KCND2: variants seen among roughly 807,000 people sequenced by gnomAD.
KCND2 encodes the protein A-type voltage-gated potassium channel KCND2.
Under a neutral mutation model 54.4 loss-of-function variants are expected in KCND2, and 16 were observed. The ratio of observed to expected loss-of-function variants is 0.29; its 90% CI spans 0.20 to 0.45. KCND2 has a LOEUF of 0.45. Among genes scored for constraint, KCND2 ranks in the 20% least tolerant of loss-of-function variants. KCND2 has a pLI of 1.00. For missense variants in KCND2, 486 were observed against 824.2 expected (o/e 0.59, Z 5.02); for synonymous variants, 317 against 310.7 (o/e 1.02, Z -0.21).
chr7:120,606,881 T>C (rs1792888812), intron 1 of KCND2, among the ~76,000 whole-genome samples: 1 of 152,162 alleles, frequency 6.6e-6, no homozygotes, highest in Non-Finnish European at 1.5e-5. Flanking sequence ...CTATTCAGGG[T>C]TTCTTAAATT....
intron 1 of KCND2, among the ~76,000 whole-genome samples, chr7:120,633,802 C>T (rs1250451671): frequency 2.0e-5 from 3 of 152,150 alleles, no homozygotes; most frequent in African/African-American, 7.2e-5. Flanking sequence ...TAACTCATGA[C>T]TTCTTACAAT....
chr7:120,617,979 G>A (rs1199658079), intron 1 of KCND2, among the ~76,000 whole-genome samples: 1 of 152,040 alleles, frequency 6.6e-6, no homozygotes, highest in East Asian at 1.9e-4. Flanking sequence ...TAAATACAAA[G>A]ATGGGAACAA....
At chr7:120,460,383 A>G (rs1364904395) in intron 1 of KCND2, among the ~76,000 whole-genome samples, 9 of 152,154 alleles carry the variant, frequency 5.9e-5, no homozygotes, top group Non-Finnish European at 1.2e-4. Flanking sequence ...CTTATATCCA[A>G]ACTCTTGTCA....
intron 1 of KCND2, among the ~76,000 whole-genome samples, chr7:120,632,580 G>C (rs1562893547): frequency 1.3e-5 from 2 of 151,904 alleles, no homozygotes; most frequent in Non-Finnish European, 1.5e-5. Flanking sequence ...ACTTATACTT[G>C]GACAAAATCT....
intron 1 of KCND2, among the ~76,000 whole-genome samples, chr7:120,589,389 A>G (rs1197585326): frequency 1.3e-5 from 2 of 152,252 alleles, no homozygotes; most frequent in African/African-American, 4.8e-5. Flanking sequence ...ACAATAAAGT[A>G]TACACAAATA....
At chr7:120,363,512 T>G (rs1800625268) in intron 1 of KCND2, among the ~76,000 whole-genome samples, 1 of 152,074 alleles carries the variant, frequency 6.6e-6, no homozygotes, top group African/African-American at 2.4e-5. Context: ...ATCTATGGCA[T>G]TATGTTTCAA....
chr7:120,447,371 AAAAAAG>A (rs1016640518), intron 1 of KCND2, among the ~76,000 whole-genome samples: 1 of 151,954 alleles, frequency 6.6e-6, no homozygotes, highest in African/African-American at 2.4e-5. Context: ...AAAAAGAAAA[AAAAAAG>A]AAAAAGAAAA....
intron 1 of KCND2, among the ~76,000 whole-genome samples, chr7:120,351,412 A>ACTCTCTCTCT (rs60390632): frequency 1.0e-5 from 1 of 99,796 alleles, no homozygotes; most frequent in African/African-American, 3.7e-5. Flanking sequence ...ACACACACAC[A>ACTCTCTCTCT]CTCTCTCTCT....
intron 1 of KCND2, among the ~76,000 whole-genome samples, chr7:120,540,350 A>G (rs1283395478): frequency 3.3e-5 from 5 of 152,214 alleles, no homozygotes. Context: ...ATATGGGTAT[A>G]TAAACTTGAT....
At chr7:120,624,236 C>T (rs1365662795) in intron 1 of KCND2, among the ~76,000 whole-genome samples, 3 of 152,124 alleles carry the variant, frequency 2.0e-5, no homozygotes, top group Non-Finnish European at 2.9e-5. Flanking sequence ...CGCATTCTAA[C>T]TAAGACTGAA....
At chr7:120,489,311 GTATTAATATGA>G in intron 1 of KCND2, among the ~76,000 whole-genome samples, 1 of 152,024 alleles carries the variant, frequency 6.6e-6, no homozygotes, top group East Asian at 1.9e-4. Context: ...CATATACAAT[GTATTAATATGA>G]TATATGTAAT....
intron 1 of KCND2, among the ~76,000 whole-genome samples, chr7:120,661,876 AG>A (rs1386428323): frequency 6.6e-6 from 1 of 152,200 alleles, no homozygotes; most frequent in African/African-American, 2.4e-5. Flanking sequence ...TTTTGACATT[AG>A]GATAACACTG....
At chr7:120,697,518 AT>A (rs1359118463) in intron 1 of KCND2, among the ~76,000 whole-genome samples, 3 of 152,150 alleles carry the variant, frequency 2.0e-5, no homozygotes, top group East Asian at 1.9e-4. Context: ...ACAGAGTATA[AT>A]TTTTTTGCTG....
At chr7:120,673,631 T>C (rs2097349641) in intron 1 of KCND2, among the ~76,000 whole-genome samples, 1 of 152,154 alleles carries the variant, frequency 6.6e-6, no homozygotes, top group African/African-American at 2.4e-5. Context: ...ACAGCCAGAA[T>C]AAACTTACTA....
At chr7:120,443,560 A>G (rs1396725238) in intron 1 of KCND2, among the ~76,000 whole-genome samples, 11 of 151,938 alleles carry the variant, frequency 7.2e-5, no homozygotes, top group Non-Finnish European at 1.2e-4. Context: ...CATCTTATGA[A>G]TGAATGCCAA....
In KCND2 at chr7:120,486,891, A is replaced by G. The variant is rs1802702611; in HGVS notation, c.1115+211144A>G. ...AAAGGAAAATCAATGTTAGCTTTCAATCCCAATTTAAATGAATTGAACTAT... is the reference window on the plus strand; with the variant it reads ...AAAGGAAAATCAATGTTAGCTTTCAGTCCCAATTTAAATGAATTGAACTAT... On this transcript the variant is annotated intron_variant, in intron 1 of 5. Transcript: ENST00000331113. Among the ~76,000 whole-genome samples the G allele has an allele frequency of 2.0e-5, 3 of 152,132 alleles. No individual in the cohort carries two copies. In the South Asian group the frequency reaches 6.2e-4, roughly 32 times the overall value.
At chr7:120,570,225 C>T (rs1792345785) in intron 1 of KCND2, among the ~76,000 whole-genome samples, 1 of 151,908 alleles carries the variant, frequency 6.6e-6, no homozygotes, top group South Asian at 2.1e-4. Flanking sequence ...TTGTATTTCA[C>T]AGAGTGAAAT....
At chr7:120,492,932 G>T (rs1328646474) in intron 1 of KCND2, among the ~76,000 whole-genome samples, 2 of 151,886 alleles carry the variant, frequency 1.3e-5, no homozygotes, top group African/African-American at 4.8e-5. Flanking sequence ...TTGAGGTATG[G>T]TTCCTATTGA....
chr7:120,572,862 G>A (rs942672541), intron 1 of KCND2, among the ~76,000 whole-genome samples: 3 of 152,120 alleles, frequency 2.0e-5, no homozygotes, highest in African/African-American at 7.2e-5. Context: ...TAATAAAATA[G>A]TTTGAAATGG....
Sources: gnomAD v4.1 joint callset for allele counts (sites outside exome capture counted in the v4.1 genomes callset) on GRCh38, gnomAD v4.1.1 for gene constraint, MANE v1.5 for transcripts, NCBI Gene and HGNC (gene_info 2026-07-23, HGNC 2026-07-21) for gene names.